IHO1: variants seen among roughly 807,000 people sequenced by gnomAD.
IHO1 encodes interactor of HORMAD1 1, also known as interactor of HORMAD1 protein 1.
IHO1 carries 13 observed loss-of-function variants against 31.0 expected under a neutral mutation model. The ratio of observed to expected loss-of-function variants is 0.42; its 90% CI spans 0.27 to 0.67. IHO1 has a LOEUF of 0.67. Among genes scored for constraint, IHO1 ranks in the 30% least tolerant of loss-of-function variants. The probability of loss-of-function intolerance (pLI) is 0.24; values close to 1 mark genes in which losing one functional copy is unlikely to be tolerated. For missense variants in IHO1, 599 were observed against 687.5 expected, an observed-to-expected ratio of 0.87 and a Z score of 1.44; for synonymous variants, 221 against 248.4, an observed-to-expected ratio of 0.89 and a Z score of 1.04.
intron 2 of IHO1, among the ~76,000 whole-genome samples, chr3:49,222,583 G>T (rs952566972): frequency 3.9e-4 from 60 of 152,186 alleles, no homozygotes; most frequent in African/African-American, 1.4e-3. Context: ...AAAGAGTATG[G>T]TTAGTATGCT....
Position 49,256,598 on chromosome 3 carries a change from C to G in IHO1, c.1101C>G (p.Ala367=). ...CKNWAVTKTG[A]KNHGSSVPGH... ...ACTGGGCTGTTACTAAAACAGGTGC[C>G]AAGAACCATGGTTCCAGCGTCCCAG... Residue 367 remains alanine (A), a synonymous_variant, in exon 8 of 8, where the codon GCC becomes GCG. Coordinates refer to ENST00000452691, the MANE Select transcript of IHO1 (RefSeq NM_001135197.2). This position sits in a 1 kb window ranked among gnomAD's most constrained non-coding sequence, Gnocchi z 4.6. 1 of 1,614,210 alleles carries G rather than the reference C, an allele frequency of 6.2e-7. No individual in the cohort carries two copies. The highest frequency in any genetic ancestry group is 1.1e-5 in the South Asian group (1 of 91,086).
chr3:49,195,583 A>G (rs2045992070), upstream of IHO1, among the ~76,000 whole-genome samples: 1 of 151,034 alleles, frequency 6.6e-6, no homozygotes, highest in African/African-American at 2.4e-5. Context: ...GTGTGGTGGC[A>G]GTCGCCTGTA....
chr3:49,256,055 A>G lies in IHO1; in HGVS notation c.637-79A>G. On this transcript the variant is annotated intron_variant, in intron 7 of 7. Coordinates refer to ENST00000452691, the MANE Select transcript of IHO1 (RefSeq NM_001135197.2). This position sits in a 1 kb window ranked among gnomAD's most constrained non-coding sequence, Gnocchi z 4.6. ...AAGCCTTGGTTCTGCTGTCACATCCATTGGTCTGTTCTCATGTTTTATTGT... is the reference window on the plus strand; with the variant it reads ...AAGCCTTGGTTCTGCTGTCACATCCGTTGGTCTGTTCTCATGTTTTATTGT... 8.1e-6 allele frequency: 10 copies of G among 1,232,558 alleles called. No homozygotes were observed. Among genetic ancestry groups the G allele is most frequent in the Non-Finnish European group, 1.1e-5 (10 of 875,672 alleles). 76.4% of individuals were successfully genotyped at this position (1,232,558 alleles called of 1,614,324 possible). A position where few individuals can be genotyped will look rare whatever the true frequency, so the allele number is the denominator to read the frequency against.
At chr3:49,255,892 G>A (rs565917891) in intron 7 of IHO1, among the ~76,000 whole-genome samples, 3 of 151,922 alleles carry the variant, frequency 2.0e-5, no homozygotes, top group Non-Finnish European at 4.4e-5. Flanking sequence ...TAAGACAAGA[G>A]GCCAGCACAG....
intron 2 of IHO1, among the ~76,000 whole-genome samples, chr3:49,214,801 A>G (rs2046268537): frequency 6.7e-6 from 1 of 149,592 alleles, no homozygotes; most frequent in Non-Finnish European, 1.5e-5. Context: ...CACCACACCC[A>G]GCTAATATTT....
intron 4 of IHO1, among the ~76,000 whole-genome samples, chr3:49,241,756 G>C (rs1032187569): frequency 6.6e-6 from 1 of 152,120 alleles, no homozygotes; most frequent in East Asian, 1.9e-4. Flanking sequence ...GAGTAGCTGG[G>C]ACTACAGGCG....
At position 49,257,006 on chromosome 3, in the gene IHO1, G is replaced by A; in HGVS notation, c.1509G>A (p.Gln503=). Residue 503 remains glutamine (Q), a synonymous_variant, in exon 8 of 8, where the codon CAG becomes CAA. Transcript: ENST00000452691. ...QEPRAQPLHL[Q]CPRSPRKPVC... is the part of the protein sequence containing the mutation. The stretch of plus-strand genomic sequence containing the variant: ...CCCGTGCTCAGCCTCTGCATCTGCA[G>A]TGTCCCAGGAGCCCCAGAAAACCAG... The A allele has an allele frequency of 6.2e-7, 1 of 1,614,202 alleles. No individual in the cohort carries two copies. The highest frequency in any genetic ancestry group is 1.3e-5 in the African/African-American group (1 of 75,060).
chr3:49,211,792 T>C lies in IHO1; in HGVS notation c.12T>C (p.Asn4=). Residue 4 remains asparagine, a synonymous_variant, in exon 2 of 8, where the codon AAT becomes AAC. Coordinates refer to ENST00000452691, the MANE Select transcript of IHO1 (RefSeq NM_001135197.2). The stretch of plus-strand genomic sequence containing the variant: ...TATAACTATAAGAAATGAATTTTAA[T>C]GTCTGGAATATCAAAGAGATGCTCA... MNF[N]VWNIKEMLSI... 2 of 1,541,986 alleles carry C rather than the reference T, an allele frequency of 1.3e-6. No homozygotes were observed. The highest frequency in any genetic ancestry group is 1.8e-6 in the Non-Finnish European group (2 of 1,114,776).
upstream of IHO1, among the ~76,000 whole-genome samples, chr3:49,193,733 G>T (rs2045979063): frequency 6.6e-6 from 1 of 150,888 alleles, no homozygotes. Context: ...GGAGGCCAAG[G>T]TGGGTGGATC....
chr3:49,211,555 A>G (rs1438888780), intron 1 of IHO1, among the ~76,000 whole-genome samples: 1 of 151,660 alleles, frequency 6.6e-6, no homozygotes, highest in Non-Finnish European at 1.5e-5. Context: ...CCTAGGAGGC[A>G]AAGGTTGCAG....
At chr3:49,232,628 G>A (rs1479544971) in intron 2 of IHO1, among the ~76,000 whole-genome samples, 1 of 152,186 alleles carries the variant, frequency 6.6e-6, no homozygotes, top group Non-Finnish European at 1.5e-5. Flanking sequence ...CAGCCATGTT[G>A]AGACTGATGC....
intron 1 of IHO1, among the ~76,000 whole-genome samples, chr3:49,203,124 C>T (rs1177452641): frequency 6.6e-6 from 1 of 152,140 alleles, no homozygotes; most frequent in Non-Finnish European, 1.5e-5. Flanking sequence ...GCCTCAGCCT[C>T]GCGAAGTGCT....
intron 6 of IHO1, among the ~76,000 whole-genome samples, chr3:49,251,882 G>A (rs188036259): frequency 1.7e-4 from 26 of 151,862 alleles, no homozygotes; most frequent in African/African-American, 5.6e-4. Flanking sequence ...GATTACGGGC[G>A]GAGCTACCGT....
intron 1 of IHO1, among the ~76,000 whole-genome samples, chr3:49,210,119 C>T (rs915834741): frequency 6.6e-6 from 1 of 151,588 alleles, no homozygotes; most frequent in African/African-American, 2.4e-5. Context: ...GCCTTGAATT[C>T]CTGGGCTCAA....
chr3:49,257,068 A>G lies in IHO1; in HGVS notation c.1571A>G (p.Lys524Arg). 1.9e-6 allele frequency: 3 copies of G among 1,614,204 alleles called. No homozygotes were observed. Among genetic ancestry groups the G allele is most frequent in the Non-Finnish European group, 2.5e-6 (3 of 1,180,042 alleles). Residue 524 changes from lysine (K) to arginine (R), a missense_variant, in exon 8 of 8, where the codon AAG becomes AGG. Lys to Arg is a conservative substitution (Grantham distance 26). Transcript: ENST00000452691. ...PILGGTVMPNKTVRAVQGRLL... is the reference protein window; with the variant it reads ...PILGGTVMPNRTVRAVQGRLL... ...CTGGGAGGAACAGTCATGCCCAATAAGACAGTAAGGGCAGTGCAGGGAAGA... is the reference window on the plus strand; with the variant it reads ...CTGGGAGGAACAGTCATGCCCAATAGGACAGTAAGGGCAGTGCAGGGAAGA...
intron 1 of IHO1, among the ~76,000 whole-genome samples, chr3:49,206,865 T>A (rs1211654891): frequency 6.6e-6 from 1 of 151,920 alleles, no homozygotes; most frequent in Non-Finnish European, 1.5e-5. Flanking sequence ...CTGGCCAACA[T>A]GGTGAAACCC....
chr3:49,223,940 G>A (rs2046386127), intron 2 of IHO1, among the ~76,000 whole-genome samples: 1 of 152,116 alleles, frequency 6.6e-6, no homozygotes, highest in Non-Finnish European at 1.5e-5. Flanking sequence ...TTCCCCCAAA[G>A]GGACCTTACG....
upstream of IHO1, among the ~76,000 whole-genome samples, chr3:49,195,527 C>T (rs2045991716): frequency 6.6e-6 from 1 of 151,154 alleles, no homozygotes; most frequent in Admixed American, 6.6e-5. Flanking sequence ...ACCATCCTGG[C>T]TAACACGGTG....
At chr3:49,214,026 A>C (rs762324759) in intron 2 of IHO1, 4 of 340,986 alleles carry the variant, frequency 1.2e-5, no homozygotes, top group South Asian at 4.1e-5. Context: ...TCTTCTCTTC[A>C]TCTCTTCTGT....
Sources: gnomAD v4.1 joint callset for allele counts (sites outside exome capture counted in the v4.1 genomes callset) on GRCh38, gnomAD v4.1.1 for gene constraint, Gnocchi (gnomAD v3.1) non-coding constraint, MANE v1.5 for transcripts, NCBI Gene and HGNC (gene_info 2026-07-23, HGNC 2026-07-21) for gene names.